The following IL1RAPL1 variants were observed in gnomAD, a reference collection of about 807,000 sequenced individuals.
The protein encoded by IL1RAPL1 is interleukin-1 receptor accessory protein-like 1.
IL1RAPL1 carries 3 observed loss-of-function variants against 48.4 expected under a neutral mutation model. The observed-to-expected ratio is 0.06, with a 90% confidence interval of 0.03 to 0.16. The LOEUF (loss-of-function observed/expected upper bound fraction) is 0.16. IL1RAPL1 is among the 10% of genes least tolerant of loss of function. IL1RAPL1 has a pLI of 1.00. For missense variants in IL1RAPL1, 349 were observed against 530.6 expected, an observed-to-expected ratio of 0.66 and a Z score of 3.36; for synonymous variants, 185 against 187.7, an observed-to-expected ratio of 0.99 and a Z score of 0.12.
intron 1 of IL1RAPL1, among the ~76,000 whole-genome samples, chrX:28,636,310 G>A (rs1173291618): frequency 8.9e-6 from 1 of 111,807 alleles, no homozygotes; most frequent in East Asian, 2.8e-4. Flanking sequence ...ATTCCAGGCA[G>A]AGTGAGCAAA....
intron 6 of IL1RAPL1, among the ~76,000 whole-genome samples, chrX:29,848,119 C>T (rs185093522): frequency 2.1e-3 from 238 of 111,127 alleles, no homozygotes; most frequent in African/African-American, 7.3e-3. Context: ...TTAAAAATCA[C>T]ACATTTTTAG....
Position 29,005,673 on chromosome X carries a change from A to T in IL1RAPL1, c.82+216248A>T, listed in dbSNP as rs1925960993. 2.7e-5 allele frequency among the ~76,000 whole-genome samples: 3 copies of T among 111,735 alleles called. No homozygotes were observed. In the South Asian group the frequency reaches 1.1e-3, roughly 42 times the overall value. ...GGTTTGTCTGTGTTTGCGAGTAAAG[A>T]CGTGTCTTAATTAAAATGTTTTAAA... is the stretch of plus-strand genomic sequence containing the variant. On this transcript the variant is annotated intron_variant, in intron 2 of 10. Coordinates refer to ENST00000378993, the MANE Select transcript of IL1RAPL1 (RefSeq NM_014271.4).
chrX:29,774,335 A>C (rs1158352057), intron 6 of IL1RAPL1, among the ~76,000 whole-genome samples: 3 of 111,700 alleles, frequency 2.7e-5, no homozygotes, highest in Non-Finnish European at 5.6e-5. Flanking sequence ...AATTATGTCC[A>C]TCACAACATC....
At chrX:28,858,244 T>C (rs1921853174) in intron 2 of IL1RAPL1, among the ~76,000 whole-genome samples, 1 of 112,418 alleles carries the variant, frequency 8.9e-6, no homozygotes, top group African/African-American at 3.2e-5. Context: ...GAGGACGCCA[T>C]GAACATTGTT....
intron 2 of IL1RAPL1, among the ~76,000 whole-genome samples, chrX:28,963,899 T>C (rs112766945): frequency 0.015 from 1,627 of 111,325 alleles, 29 homozygotes; most frequent in African/African-American, 0.051. Context: ...CAGAAACTTA[T>C]TCCTTTCACA....
chrX:28,657,384 C>T (rs1368007154), intron 1 of IL1RAPL1, among the ~76,000 whole-genome samples: 1 of 111,612 alleles, frequency 9.0e-6, no homozygotes, highest in Non-Finnish European at 1.9e-5. Flanking sequence ...TAACCCTTTC[C>T]TACATTATTT....
At chrX:29,766,368 G>A (rs1157176271) in intron 6 of IL1RAPL1, among the ~76,000 whole-genome samples, 1 of 73,767 alleles carries the variant, frequency 1.4e-5, no homozygotes, top group African/African-American at 5.8e-5. Context: ...TATATAGATA[G>A]ATAGATAGAT....
At chrX:28,940,244 A>G (rs1037902796) in intron 2 of IL1RAPL1, among the ~76,000 whole-genome samples, 1 of 111,355 alleles carries the variant, frequency 9.0e-6, no homozygotes, top group African/African-American at 3.2e-5. Flanking sequence ...TCAAGGTACT[A>G]TTCTCATAAA....
intron 7 of IL1RAPL1, among the ~76,000 whole-genome samples, chrX:29,918,144 A>AAATATATAT (rs1555935868): frequency 1.3e-4 from 3 of 23,755 alleles, no homozygotes; most frequent in African/African-American, 4.8e-4. Context: ...AAAAAAAAAA[A>AAATATATAT]ATATATATAT....
chrX:29,385,818 T>G (rs1175924534), intron 3 of IL1RAPL1, among the ~76,000 whole-genome samples: 1 of 112,323 alleles, frequency 8.9e-6, no homozygotes, highest in African/African-American at 3.2e-5. Flanking sequence ...TGTACAAATA[T>G]CTGTTTGAGT....
At chrX:29,579,336 T>G (rs1397145148) in intron 5 of IL1RAPL1, among the ~76,000 whole-genome samples, 1 of 111,778 alleles carries the variant, frequency 8.9e-6, no homozygotes, top group Non-Finnish European at 1.9e-5. Flanking sequence ...GCATTGGACA[T>G]ATAAAAGTCA....
At chrX:29,418,968 G>A (rs755531835) in intron 5 of IL1RAPL1, among the ~76,000 whole-genome samples, 1 of 112,027 alleles carries the variant, frequency 8.9e-6, no homozygotes, top group African/African-American at 3.2e-5. Flanking sequence ...TACACTCAGA[G>A]CAATAATTTT....
intron 2 of IL1RAPL1, among the ~76,000 whole-genome samples, chrX:29,148,043 AGT>A (rs982691545): frequency 1.8e-5 from 2 of 112,173 alleles, no homozygotes; most frequent in African/African-American, 6.5e-5. Context: ...AAAGAGAGAC[AGT>A]GTGTGTGTAT....
At chrX:29,032,970 G>A (rs1209701018) in intron 2 of IL1RAPL1, among the ~76,000 whole-genome samples, 1 of 112,244 alleles carries the variant, frequency 8.9e-6, no homozygotes, top group Non-Finnish European at 1.9e-5. Context: ...TGACAAATAA[G>A]GCTAATAATA....
chrX:28,812,252 A>G (rs1378076434), intron 2 of IL1RAPL1, among the ~76,000 whole-genome samples: 7 of 111,010 alleles, frequency 6.3e-5, no homozygotes, highest in African/African-American at 2.3e-4. Context: ...CAAGCACCCA[A>G]TTGAATTTCA....
chrX:29,447,008 A>G (rs1934619953), intron 5 of IL1RAPL1, among the ~76,000 whole-genome samples: 1 of 111,894 alleles, frequency 8.9e-6, no homozygotes. Flanking sequence ...ATGAATATCC[A>G]TCTTTTTATT....
intron 1 of IL1RAPL1, among the ~76,000 whole-genome samples, chrX:28,740,127 A>G (rs916259200): frequency 1.8e-5 from 2 of 111,608 alleles, no homozygotes; most frequent in Non-Finnish European, 3.8e-5. Flanking sequence ...AAAAATACTA[A>G]GACATCTGTC....
chrX:28,868,431 T>C (rs1393491915), intron 2 of IL1RAPL1, among the ~76,000 whole-genome samples: 1 of 111,610 alleles, frequency 9.0e-6, no homozygotes, highest in African/African-American at 3.3e-5. Flanking sequence ...CTTTCTTTGG[T>C]TCAATTTACA....
At chrX:28,996,597 G>T (rs1309036245) in intron 2 of IL1RAPL1, among the ~76,000 whole-genome samples, 1 of 109,767 alleles carries the variant, frequency 9.1e-6, no homozygotes. Context: ...TTTCTCTGTT[G>T]ATCTCCACCA....
Sources: gnomAD v4.1 joint callset for allele counts (sites outside exome capture counted in the v4.1 genomes callset) on GRCh38, gnomAD v4.1.1 for gene constraint, MANE v1.5 for transcripts, NCBI Gene and HGNC (gene_info 2026-07-23, HGNC 2026-07-21) for gene names.